The following LINGO2 variants were observed in gnomAD, a reference collection of about 807,000 sequenced individuals.
LINGO2 encodes the protein leucine-rich repeat and immunoglobulin-like domain-containing nogo receptor-interacting protein 2.
Under a neutral mutation model 30.6 loss-of-function variants are expected in LINGO2, and 14 were observed. That is an observed-to-expected ratio of 0.46 (90% CI 0.30 to 0.72). The LOEUF (loss-of-function observed/expected upper bound fraction) is 0.72. LINGO2 is among the 30% of genes least tolerant of loss of function. The pLI is 0.07. For missense variants in LINGO2, 729 were observed against 751.7 expected (o/e 0.97, Z 0.35); for synonymous variants, 317 against 288.5 (o/e 1.10, Z -1.00).
the LINGO2 span, among the ~76,000 whole-genome samples, chr9:28,985,884 T>C: frequency 1.3e-5 from 2 of 152,094 alleles, no homozygotes; most frequent in Non-Finnish European, 2.9e-5. Flanking sequence ...CATTTGTCTA[T>C]TTTCACTTTT....
the LINGO2 span, among the ~76,000 whole-genome samples, chr9:28,773,366 G>GAAA: frequency 7.6e-3 from 1,009 of 132,208 alleles, 13 homozygotes; most frequent in Middle Eastern, 0.013. Context: ...CTCCATCTCA[G>GAAA]AAAAAAAAAA....
At chr9:28,299,469 A>T (rs767163620) in intron 3 of LINGO2, among the ~76,000 whole-genome samples, 5 of 151,652 alleles carry the variant, frequency 3.3e-5, no homozygotes, top group Non-Finnish European at 7.4e-5. Flanking sequence ...CTATTCATTT[A>T]GTCTGATGAA....
intron 1 of LINGO2, among the ~76,000 whole-genome samples, chr9:28,533,779 C>T (rs1821325753): frequency 6.6e-6 from 1 of 152,014 alleles, no homozygotes; most frequent in Non-Finnish European, 1.5e-5. Context: ...TTCCAGCACC[C>T]AGAACAGTAC....
At chr9:28,965,344 T>C in the LINGO2 span, among the ~76,000 whole-genome samples, 1 of 151,962 alleles carries the variant, frequency 6.6e-6, no homozygotes, top group Non-Finnish European at 1.5e-5. Context: ...ACCCCTTCCT[T>C]TTAAAGGAAA....
chr9:28,286,738 T>C (rs1435181046), intron 4 of LINGO2, among the ~76,000 whole-genome samples: 3 of 152,120 alleles, frequency 2.0e-5, no homozygotes, highest in Non-Finnish European at 4.4e-5. Context: ...ATGTTCTCAC[T>C]TATAAGTGGG....
At chr9:28,354,507 A>C (rs1240888863) in intron 3 of LINGO2, among the ~76,000 whole-genome samples, 2 of 152,194 alleles carry the variant, frequency 1.3e-5, no homozygotes, top group African/African-American at 4.8e-5. Flanking sequence ...CAATTCTTTC[A>C]ATTCTCAAAT....
intron 4 of LINGO2, among the ~76,000 whole-genome samples, chr9:28,100,945 G>A (rs750245654): frequency 3.3e-5 from 5 of 152,020 alleles, no homozygotes; most frequent in African/African-American, 9.7e-5. Flanking sequence ...TCATTGCATC[G>A]GTCAATATAT....
At chr9:28,122,887 G>A (rs1201586052) in intron 4 of LINGO2, among the ~76,000 whole-genome samples, 1 of 152,174 alleles carries the variant, frequency 6.6e-6, no homozygotes, top group East Asian at 1.9e-4. Flanking sequence ...CCTATAGCAG[G>A]CAACATGCCT....
At chr9:28,971,694 T>A in the LINGO2 span, among the ~76,000 whole-genome samples, 1 of 152,240 alleles carries the variant, frequency 6.6e-6, no homozygotes. Flanking sequence ...ATGGCACCTC[T>A]GGACTAACCA....
the LINGO2 span, among the ~76,000 whole-genome samples, chr9:29,005,612 C>T: frequency 3.9e-5 from 6 of 151,948 alleles, no homozygotes; most frequent in Non-Finnish European, 8.8e-5. Context: ...GTTGCCCCTC[C>T]GTATACACAG....
At chr9:28,034,697 C>T (rs1823846826) in intron 4 of LINGO2, among the ~76,000 whole-genome samples, 1 of 152,106 alleles carries the variant, frequency 6.6e-6, no homozygotes, top group Non-Finnish European at 1.5e-5. Context: ...AGTTAATGAC[C>T]TGTCATGTTT....
intron 4 of LINGO2, among the ~76,000 whole-genome samples, chr9:28,203,621 A>G (rs1440261103): frequency 1.3e-5 from 2 of 152,228 alleles, no homozygotes; most frequent in Non-Finnish European, 2.9e-5. Flanking sequence ...TAGGAAGTAT[A>G]TATTATGAAA....
At chr9:28,738,753 C>T in the LINGO2 span, among the ~76,000 whole-genome samples, 1,425 of 151,994 alleles carry the variant, frequency 9.4e-3, 28 homozygotes, top group African/African-American at 0.032. Flanking sequence ...AGTAAGAAAT[C>T]TTTTAATATG....
the LINGO2 span, among the ~76,000 whole-genome samples, chr9:28,744,004 T>C: frequency 2.0e-5 from 3 of 151,454 alleles, no homozygotes; most frequent in Non-Finnish European, 4.4e-5. Flanking sequence ...TTTTTTTCTC[T>C]GTGTTCTCCT....
the LINGO2 span, among the ~76,000 whole-genome samples, chr9:28,880,889 G>A: frequency 6.6e-6 from 1 of 152,060 alleles, no homozygotes; most frequent in Admixed American, 6.6e-5. Context: ...CATAAATCTG[G>A]CCTACGTGCA....
chr9:28,987,757 A>C, the LINGO2 span, among the ~76,000 whole-genome samples: 1 of 152,030 alleles, frequency 6.6e-6, no homozygotes, highest in Non-Finnish European at 1.5e-5. Context: ...CATTCATCTA[A>C]AGATATTTTA....
At chr9:28,902,233 T>C in the LINGO2 span, among the ~76,000 whole-genome samples, 2 of 151,660 alleles carry the variant, frequency 1.3e-5, no homozygotes, top group Non-Finnish European at 2.9e-5. Context: ...ATCAGTAAAA[T>C]GAATAAAACC....
At chr9:28,279,433 A>T (rs1036922844) in intron 4 of LINGO2, among the ~76,000 whole-genome samples, 2 of 152,148 alleles carry the variant, frequency 1.3e-5, no homozygotes, top group Non-Finnish European at 1.5e-5. Context: ...TATTTCTAAA[A>T]ATTGCCACAG....
chr9:28,358,336 C>T (rs947201747), intron 3 of LINGO2, among the ~76,000 whole-genome samples: 3 of 152,074 alleles, frequency 2.0e-5, no homozygotes, highest in African/African-American at 7.2e-5. Flanking sequence ...AGCCTGGCTC[C>T]AGGATTCACC....
Sources: gnomAD v4.1 joint callset for allele counts (sites outside exome capture counted in the v4.1 genomes callset) on GRCh38, gnomAD v4.1.1 for gene constraint, MANE v1.5 for transcripts, NCBI Gene and HGNC (gene_info 2026-07-23, HGNC 2026-07-21) for gene names.